Variants in CFAP20DC observed in about 807,000 individuals in gnomAD.
CFAP20DC encodes protein CFAP20DC.
A neutral mutation model predicts 101.7 loss-of-function variants in CFAP20DC; 84 were observed. The observed-to-expected ratio is 0.83, with a 90% CI of 0.69 to 0.99. CFAP20DC has a LOEUF of 0.99. Ranked by LOEUF, CFAP20DC falls within the 50% of genes least tolerant of loss-of-function variation. CFAP20DC has a pLI of 0.00. For missense variants in CFAP20DC, 1,007 were observed against 970.3 expected, an observed-to-expected ratio of 1.04 and a Z score of -0.50; for synonymous variants, 359 against 351.2, an observed-to-expected ratio of 1.02 and a Z score of -0.25.
chr3:58,808,308 C>T (rs2074287335), intron 14 of CFAP20DC, among the ~76,000 whole-genome samples: 1 of 152,248 alleles, frequency 6.6e-6, no homozygotes, highest in African/African-American at 2.4e-5. Flanking sequence ...TAAGGGCAGC[C>T]AGAGAGAAAG....
chr3:58,738,346 C>T (rs892256720), downstream of CFAP20DC, among the ~76,000 whole-genome samples: 3 of 152,128 alleles, frequency 2.0e-5, no homozygotes, highest in Admixed American at 6.5e-5. This position sits in a 1 kb window ranked among gnomAD's most constrained non-coding sequence, Gnocchi z 4.4. Context: ...CTCCCCTCAC[C>T]CCACCCCCAA....
rs758171152 is a variant in CFAP20DC at position 58,912,850 on chromosome 3, T to C, written c.550+858A>G. ...ACTCTTTCCATTTTAACTTGATCAC[T>C]AGAAAATTAATATGATTTCTCCCAA... On this transcript the variant is annotated intron_variant, in intron 6 of 16. Coordinates refer to ENST00000482387, the MANE Select transcript of CFAP20DC (RefSeq NM_001394063.1). The surrounding 1 kb of genome is among the most constrained non-coding windows in gnomAD (Gnocchi z 4.4). 326 of 415,014 alleles carry C rather than the reference T, an allele frequency of 7.9e-4. No individual in the cohort carries two copies. The highest frequency in any genetic ancestry group is 1.3e-3 in the Non-Finnish European group (276 of 211,084). The allele number at this position is 415,014 out of a possible 1,614,324, so 25.7% of individuals were successfully genotyped here. A position where few individuals can be genotyped will look rare whatever the true frequency, so the allele number is the denominator to read the frequency against.
rs1002136921 is a variant in CFAP20DC at position 58,799,108 on chromosome 3, G to GT, written c.2237+7286dup. Among the ~76,000 whole-genome samples the GT allele has an allele frequency of 0.017, 2,535 of 149,040 alleles. 25 individuals are homozygous for GT. The highest frequency in any genetic ancestry group is 0.025 in the Non-Finnish European group (1,650 of 67,026). ...TGTATGTGTATGCATATAAATAATG[G>GT]TTTTTTTTTTCTATTTGCTTACCCA... On this transcript the variant is annotated intron_variant, in intron 15 of 16. Coordinates refer to ENST00000482387, the MANE Select transcript of CFAP20DC (RefSeq NM_001394063.1). This position sits in a 1 kb window ranked among gnomAD's most constrained non-coding sequence, Gnocchi z 4.9.
intron 5 of CFAP20DC, among the ~76,000 whole-genome samples, chr3:58,922,509 C>T (rs2085496814): frequency 6.6e-6 from 1 of 152,146 alleles, no homozygotes; most frequent in Non-Finnish European, 1.5e-5. Flanking sequence ...AATGAGTTCT[C>T]ACTCTTAGTT....
intron 16 of CFAP20DC, among the ~76,000 whole-genome samples, chr3:58,752,695 TAATCTATTTTAGATAATA>T (rs2068657958): frequency 1.3e-5 from 2 of 152,268 alleles, no homozygotes; most frequent in South Asian, 4.1e-4. Context: ...TTGAGGGGCA[TAATCTATTTTAGATAATA>T]AATCACAGAG....
chr3:58,932,216 T>A (rs1395019184), intron 5 of CFAP20DC, among the ~76,000 whole-genome samples: 1 of 151,798 alleles, frequency 6.6e-6, no homozygotes, highest in Non-Finnish European at 1.5e-5. Flanking sequence ...GTAGGGAAGT[T>A]TAGAGAAAAA....
chr3:58,819,295 G>A (rs2075433196), intron 14 of CFAP20DC, among the ~76,000 whole-genome samples: 1 of 152,110 alleles, frequency 6.6e-6, no homozygotes, highest in Admixed American at 6.6e-5. Flanking sequence ...TAACATAAGA[G>A]CAGAACTGAA....
In CFAP20DC at chr3:58,913,367, A is replaced by G. The variant is rs142750595; in HGVS notation, c.550+341T>C. 5.2e-4 allele frequency among the ~76,000 whole-genome samples: 79 copies of G among 152,218 alleles called. 1 individual carries two copies. Among genetic ancestry groups the G allele is most frequent in the Middle Eastern group, 6.8e-3 (2 of 294 alleles). ...ACTCTCTAAATATCCTTGAGATTCT[A>G]TGAACTGTCTGATTTCCTTAAATAA... On this transcript the variant is annotated intron_variant, in intron 6 of 16. Coordinates refer to ENST00000482387, the MANE Select transcript of CFAP20DC (RefSeq NM_001394063.1). The surrounding 1 kb of genome is among the most constrained non-coding windows in gnomAD (Gnocchi z 4.4).
chr3:58,940,731 C>T (rs1559865509), intron 4 of CFAP20DC, among the ~76,000 whole-genome samples: 1 of 152,090 alleles, frequency 6.6e-6, no homozygotes, highest in Non-Finnish European at 1.5e-5. Flanking sequence ...AACTCTTCAA[C>T]TTTAGTTTTG....
chr3:58,893,588 C>T (rs1399983684), intron 6 of CFAP20DC, among the ~76,000 whole-genome samples: 1 of 152,038 alleles, frequency 6.6e-6, no homozygotes, highest in East Asian at 1.9e-4. Context: ...GGATATTGGC[C>T]TTAAGTTTTC....
downstream of CFAP20DC, among the ~76,000 whole-genome samples, chr3:58,739,415 T>A (rs1472568597): frequency 6.6e-6 from 1 of 152,248 alleles, no homozygotes; most frequent in Non-Finnish European, 1.5e-5. Context: ...TCAATCTATT[T>A]TTTTTAGTCT....
chr3:58,815,121 C>T (rs2075006739), intron 14 of CFAP20DC, among the ~76,000 whole-genome samples: 1 of 150,284 alleles, frequency 6.7e-6, no homozygotes, highest in Non-Finnish European at 1.5e-5. Flanking sequence ...TACAAGGCTA[C>T]AGTAACCAAA....
intron 4 of CFAP20DC, among the ~76,000 whole-genome samples, chr3:58,998,053 A>G (rs1322567146): frequency 6.6e-6 from 1 of 152,200 alleles, no homozygotes; most frequent in African/African-American, 2.4e-5. Flanking sequence ...GATCAAAAGC[A>G]CTAGCCCAAG....
At chr3:58,804,025 T>C (rs2073886388) in intron 15 of CFAP20DC, among the ~76,000 whole-genome samples, 1 of 152,204 alleles carries the variant, frequency 6.6e-6, no homozygotes, top group African/African-American at 2.4e-5. Flanking sequence ...ATTTATGAAG[T>C]ATGCTTTCTA....
Position 58,828,415 on chromosome 3 carries a change from G to A in CFAP20DC, c.2175+3271C>T, listed in dbSNP as rs550076646. On this transcript the variant is annotated intron_variant, in intron 14 of 16. Transcript: ENST00000482387. ...ACAGTGCTTTGACTGGAGGCACAGA[G>A]ATGTTAGGGGACTATTGAAGGAATT... 2.0e-4 allele frequency among the ~76,000 whole-genome samples: 31 copies of A among 152,304 alleles called. No individual in the cohort carries two copies. In the South Asian group the frequency reaches 6.0e-3, roughly 30 times the overall value.
rs546793313 is a variant in CFAP20DC at position 58,854,386 on chromosome 3, A to G, written c.1594-4977T>C. Among the ~76,000 whole-genome samples the G allele has an allele frequency of 7.4e-3, 1,125 of 151,146 alleles. 15 individuals are homozygous for G. The highest frequency in any genetic ancestry group is 0.026 in the African/African-American group (1,072 of 41,056). Reference sequence around the variant, plus strand: ...CCATGCTCATGGGTAGGAAGAATCAATATCGTGAAAATGGCCATACTGCCC... The same window carrying G: ...CCATGCTCATGGGTAGGAAGAATCAGTATCGTGAAAATGGCCATACTGCCC... On this transcript the variant is annotated intron_variant, in intron 12 of 16. Transcript: ENST00000482387.
chr3:58,891,433 G>C (rs1488317623), intron 6 of CFAP20DC, among the ~76,000 whole-genome samples: 2 of 144,016 alleles, frequency 1.4e-5, no homozygotes, highest in Non-Finnish European at 3.1e-5. Context: ...GGGAGAGGGA[G>C]AGGGAGAGGG....
intron 14 of CFAP20DC, among the ~76,000 whole-genome samples, chr3:58,831,045 T>C (rs1188973889): frequency 6.6e-6 from 1 of 152,224 alleles, no homozygotes; most frequent in East Asian, 1.9e-4. Context: ...TGTGGAAGCT[T>C]GGACCCAGGC....
In CFAP20DC at chr3:59,001,944, T is replaced by C. The variant is rs1249988118; in HGVS notation, c.278+37613A>G. The stretch of plus-strand genomic sequence containing the variant: ...AAGAGATTCCAAAACAGAGACATTC[T>C]AAATTGAAAAAGTGAACTATTAAAC... On this transcript the variant is annotated intron_variant, in intron 4 of 16. Coordinates refer to ENST00000482387, the MANE Select transcript of CFAP20DC (RefSeq NM_001394063.1). This position sits in a 1 kb window ranked among gnomAD's most constrained non-coding sequence, Gnocchi z 4.5. Among the ~76,000 whole-genome samples the C allele has an allele frequency of 3.3e-5, 5 of 152,186 alleles. No individual in the cohort carries two copies. The highest frequency in any genetic ancestry group is 7.3e-5 in the Non-Finnish European group (5 of 68,038).
Sources: allele counts gnomAD v4.1 joint callset (sites outside exome capture counted in the v4.1 genomes callset), GRCh38; gene constraint gnomAD v4.1.1; non-coding constraint Gnocchi (gnomAD v3.1); transcripts MANE v1.5; gene names NCBI Gene and HGNC (gene_info 2026-07-23, HGNC 2026-07-21).